RGPD8: variants seen among roughly 807,000 people sequenced by gnomAD.
RGPD8 encodes the protein RANBP2 like and GRIP domain containing 8, also known as RANBP2-like and GRIP domain-containing protein 8.
Under a neutral mutation model 89.1 loss-of-function variants are expected in RGPD8, and 15 were observed. The ratio of observed to expected loss-of-function variants is 0.17; its 90% CI spans 0.11 to 0.26. RGPD8 has a LOEUF of 0.26. Ranked by LOEUF, RGPD8 falls within the 10% of genes least tolerant of loss-of-function variation. RGPD8 has a pLI of 1.00. For synonymous variants in RGPD8, 62 were observed against 420.9 expected (o/e 0.15, Z 10.44); for missense variants, 178 against 1,179.6 (o/e 0.15, Z 12.44).
chr2:112,409,688 G>A (rs1679090170), intron 7 of RGPD8, among the ~76,000 whole-genome samples: 1 of 144,604 alleles, frequency 6.9e-6, no homozygotes, highest in African/African-American at 2.7e-5. Context: ...TGTAGTCCCA[G>A]CTACTGAGCT....
intron 7 of RGPD8, among the ~76,000 whole-genome samples, chr2:112,408,913 C>A (rs1679056334): frequency 1.3e-5 from 2 of 151,738 alleles, no homozygotes; most frequent in South Asian, 4.2e-4. Flanking sequence ...CTTAAGCGAT[C>A]CGCCCGCCTC....
At chr2:112,431,009 T>C (rs1244879522) in intron 1 of RGPD8, among the ~76,000 whole-genome samples, 1 of 151,778 alleles carries the variant, frequency 6.6e-6, no homozygotes, top group Non-Finnish European at 1.5e-5. Flanking sequence ...CCCAACACTT[T>C]GGGAAGTGGA....
intron 1 of RGPD8, among the ~76,000 whole-genome samples, chr2:112,427,620 CCTA>C (rs1262078893): frequency 6.6e-6 from 1 of 152,104 alleles, no homozygotes; most frequent in Admixed American, 6.6e-5. Context: ...ATATTTGTGG[CCTA>C]CTTTTTCATT....
At chr2:112,387,415 A>G (rs185910222) in intron 20 of RGPD8, among the ~76,000 whole-genome samples, 1 of 143,836 alleles carries the variant, frequency 7.0e-6, no homozygotes, top group East Asian at 1.9e-4. Context: ...AGGCTGGAGT[A>G]AGTGGCATGA....
intron 1 of RGPD8, among the ~76,000 whole-genome samples, chr2:112,425,634 C>A (rs1451475169): frequency 6.6e-6 from 1 of 151,738 alleles, no homozygotes. Flanking sequence ...GTGGCACACG[C>A]CTGTAATCCC....
chr2:112,387,406 G>C (rs1211394621), intron 20 of RGPD8, among the ~76,000 whole-genome samples: 1 of 142,762 alleles, frequency 7.0e-6, no homozygotes, highest in African/African-American at 2.6e-5. Flanking sequence ...CACTCAGTCA[G>C]GCTGGAGTAA....
At chr2:112,411,009 C>T (rs1421069907) in intron 7 of RGPD8, among the ~76,000 whole-genome samples, 11 of 152,032 alleles carry the variant, frequency 7.2e-5, no homozygotes, top group Non-Finnish European at 1.3e-4. Context: ...CGCTTGAACC[C>T]GGGAGGCAGA....
chr2:112,431,483 C>A (rs1312790881), intron 1 of RGPD8, among the ~76,000 whole-genome samples: 1 of 152,198 alleles, frequency 6.6e-6, no homozygotes, highest in Non-Finnish European at 1.5e-5. Context: ...CAAAATTCTG[C>A]TGCACTACCC....
chr2:112,430,799 T>C (rs1460857257), intron 1 of RGPD8, among the ~76,000 whole-genome samples: 1 of 148,402 alleles, frequency 6.7e-6, no homozygotes, highest in Non-Finnish European at 1.5e-5. Flanking sequence ...CGTCTCTACA[T>C]TAAAGAAAAA....
At chr2:112,427,500 C>G (rs1260401573) in intron 1 of RGPD8, among the ~76,000 whole-genome samples, 1 of 152,070 alleles carries the variant, frequency 6.6e-6, no homozygotes, top group Non-Finnish European at 1.5e-5. Context: ...TGCCAAATAT[C>G]AAGAACTGAT....
intron 1 of RGPD8, among the ~76,000 whole-genome samples, chr2:112,428,682 G>A (rs527330569): frequency 6.6e-6 from 1 of 152,086 alleles, no homozygotes; most frequent in East Asian, 1.9e-4. Context: ...GTTAGTAAGG[G>A]TATTCCAGGT....
At chr2:112,375,005 G>T in intron 22 of RGPD8, among the ~76,000 whole-genome samples, 1 of 132,894 alleles carries the variant, frequency 7.5e-6, no homozygotes, top group Non-Finnish European at 1.6e-5. Flanking sequence ...TGGGATTACA[G>T]GCATGCGCCA....
chr2:112,374,973 C>A (rs1678082242), intron 22 of RGPD8, among the ~76,000 whole-genome samples: 1 of 133,982 alleles, frequency 7.5e-6, no homozygotes, highest in Admixed American at 7.5e-5. Flanking sequence ...AGCAGTTCTC[C>A]TACCTCAGCC....
chr2:112,427,051 T>C (rs1428474601), intron 1 of RGPD8, among the ~76,000 whole-genome samples: 1 of 151,978 alleles, frequency 6.6e-6, no homozygotes, highest in Non-Finnish European at 1.5e-5. Context: ...TTCTTCCGCC[T>C]CCCAAAGTGC....
intron 3 of RGPD8, 120 bp downstream of exon 3, chr2:112,422,428 A>G: frequency 2.1e-6 from 3 of 1,434,852 alleles, no homozygotes; most frequent in African/African-American, 1.5e-5. Flanking sequence ...ACATAATTGT[A>G]CTATGATACC....
rs1680166539 is a variant in RGPD8 at position 112,433,603 on chromosome 2, G to A, written c.-150C>T. On this transcript the variant is annotated 5_prime_UTR_variant, in exon 1 of 23. Transcript: ENST00000302558. ...TGACGAGCGTGCGGCGCCGCCCACGGAGGCCCACTGTGACGAACCTGCGTT... is the reference window on the plus strand; with the variant it reads ...TGACGAGCGTGCGGCGCCGCCCACGAAGGCCCACTGTGACGAACCTGCGTT... The A allele has an allele frequency of 2.3e-6, 2 of 858,752 alleles. No homozygotes were observed. Among genetic ancestry groups the A allele is most frequent in the East Asian group, 2.7e-5 (1 of 36,868 alleles). 53.2% of individuals were successfully genotyped at this position (858,752 alleles called of 1,614,324 possible).
At chr2:112,411,488 G>A (rs1184978038) in intron 7 of RGPD8, among the ~76,000 whole-genome samples, 61 of 68,092 alleles carry the variant, frequency 9.0e-4, no homozygotes, top group Middle Eastern at 0.013. Flanking sequence ...GGAAAATGGC[G>A]TGAACTCGGG....
At chr2:112,428,101 T>A (rs1220224277) in intron 1 of RGPD8, among the ~76,000 whole-genome samples, 1 of 152,304 alleles carries the variant, frequency 6.6e-6, no homozygotes, top group Non-Finnish European at 1.5e-5. Context: ...AAGAATCTCA[T>A]GGGACTCCTA....
At chr2:112,416,088 C>CAAAAAAA (rs1168507298) in intron 6 of RGPD8, among the ~76,000 whole-genome samples, 68 of 88,884 alleles carry the variant, frequency 7.7e-4, no homozygotes, top group African/African-American at 1.6e-3. Flanking sequence ...GACTCCATCT[C>CAAAAAAA]AAAAAAAAAA....
Sources: allele counts gnomAD v4.1 joint callset (sites outside exome capture counted in the v4.1 genomes callset), GRCh38; gene constraint gnomAD v4.1.1; transcripts MANE v1.5; gene names NCBI Gene and HGNC (gene_info 2026-07-23, HGNC 2026-07-21).